Variants in DAB1 observed in about 807,000 individuals in gnomAD.
The protein encoded by DAB1 is disabled homolog 1.
In DAB1, 15 loss-of-function variants were observed where a neutral mutation model predicts 64.6. The ratio of observed to expected loss-of-function variants is 0.23; its 90% CI spans 0.16 to 0.36. The LOEUF (loss-of-function observed/expected upper bound fraction) is 0.36. Among genes scored for constraint, DAB1 ranks in the 10% least tolerant of loss-of-function variants. The pLI, the probability that DAB1 is intolerant of heterozygous loss-of-function variation, is 1.00. For missense variants in DAB1, 596 were observed against 706.7 expected (o/e 0.84, Z 1.78); for synonymous variants, 235 against 251.9 (o/e 0.93, Z 0.64).
intron 2 of DAB1, among the ~76,000 whole-genome samples, chr1:57,201,741 T>C (rs767199503): frequency 3.9e-5 from 6 of 152,136 alleles, no homozygotes; most frequent in Non-Finnish European, 7.4e-5. Flanking sequence ...TTAATAATCA[T>C]TAGCTGGATG....
At chr1:56,998,652 G>T (rs956327859) in intron 14 of DAB1, among the ~76,000 whole-genome samples, 6 of 152,134 alleles carry the variant, frequency 3.9e-5, no homozygotes, top group Non-Finnish European at 5.9e-5. Flanking sequence ...ATTTCAAATT[G>T]CTCTTCTACA....
At chr1:58,369,343 A>G (rs971592494) in intron 3 of DAB1, among the ~76,000 whole-genome samples, 1 of 152,252 alleles carries the variant, frequency 6.6e-6, no homozygotes, top group Admixed American at 6.5e-5. Flanking sequence ...CTTTAATGGT[A>G]CATGTTAATT....
chr1:57,376,376 C>T (rs896194000), intron 1 of DAB1, among the ~76,000 whole-genome samples: 1 of 152,216 alleles, frequency 6.6e-6, no homozygotes, highest in Admixed American at 6.5e-5. Flanking sequence ...TGCTGCCTAG[C>T]AGAAGAATTC....
chr1:57,163,397 G>C (rs1477606733), intron 2 of DAB1, among the ~76,000 whole-genome samples: 1 of 152,042 alleles, frequency 6.6e-6, no homozygotes, highest in African/African-American at 2.4e-5. Context: ...GAATGTGTTT[G>C]GCCTGTTTAT....
At chr1:57,221,396 T>C (rs1666859681) in intron 2 of DAB1, among the ~76,000 whole-genome samples, 1 of 146,420 alleles carries the variant, frequency 6.8e-6, no homozygotes, top group South Asian at 2.2e-4. Context: ...TAAAGTATAA[T>C]AATAATTTTA....
intron 2 of DAB1, among the ~76,000 whole-genome samples, chr1:57,161,558 C>T (rs1257763856): frequency 1.3e-5 from 2 of 152,186 alleles, no homozygotes; most frequent in African/African-American, 4.8e-5. Flanking sequence ...CAGGCACTGA[C>T]AAAGTCGTAT....
chr1:57,664,159 T>G (rs1646419654), intron 6 of DAB1, among the ~76,000 whole-genome samples: 1 of 152,180 alleles, frequency 6.6e-6, no homozygotes, highest in Non-Finnish European at 1.5e-5. Context: ...GTTTGGTACA[T>G]GTAAGCATTT....
chr1:57,563,075 C>T lies in DAB1; in HGVS notation n.625+86517G>A, dbSNP rs369216573. Among the ~76,000 whole-genome samples the T allele has an allele frequency of 1.3e-3, 196 of 152,232 alleles. 1 individual carries two copies. Among genetic ancestry groups the T allele is most frequent in the African/African-American group, 3.5e-3 (145 of 41,536 alleles). ...AGGACTACAAATGACCCAGAACCTTCAGGAATAAGGTTTGGGTCACACCAC... is the reference window on the plus strand; with the variant it reads ...AGGACTACAAATGACCCAGAACCTTTAGGAATAAGGTTTGGGTCACACCAC... On this transcript the variant is annotated intron_variant and non_coding_transcript_variant, in intron 7 of 20. Transcript: ENST00000485760.
At chr1:57,547,391 A>G (rs892139288) in intron 7 of DAB1, among the ~76,000 whole-genome samples, 1 of 152,224 alleles carries the variant, frequency 6.6e-6, no homozygotes, top group African/African-American at 2.4e-5. Context: ...TACTAAATTG[A>G]GATATTTAAT....
At chr1:57,749,625 T>C (rs1166646378) in intron 6 of DAB1, among the ~76,000 whole-genome samples, 1 of 152,148 alleles carries the variant, frequency 6.6e-6, no homozygotes, top group African/African-American at 2.4e-5. Context: ...TACATCTTAA[T>C]TTTAGTGGCC....
At chr1:58,024,160 A>G (rs1646853732) in intron 5 of DAB1, among the ~76,000 whole-genome samples, 1 of 152,222 alleles carries the variant, frequency 6.6e-6, no homozygotes, top group Non-Finnish European at 1.5e-5. Context: ...TCCTACATTT[A>G]GATATAGCAA....
At chr1:57,726,262 A>G (rs1024113561) in intron 6 of DAB1, among the ~76,000 whole-genome samples, 1 of 152,226 alleles carries the variant, frequency 6.6e-6, no homozygotes, top group South Asian at 2.1e-4. Context: ...GAAACAAGTC[A>G]TCACTTCATC....
At chr1:57,060,219 C>T (rs145334840) in intron 9 of DAB1, among the ~76,000 whole-genome samples, 3,502 of 151,192 alleles carry the variant, frequency 0.023, 148 homozygotes, top group African/African-American at 0.08. Flanking sequence ...AGCGCCATCT[C>T]GGCTCACTGC....
intron 2 of DAB1, among the ~76,000 whole-genome samples, chr1:57,159,570 T>C (rs1397528416): frequency 6.6e-6 from 1 of 152,108 alleles, no homozygotes; most frequent in African/African-American, 2.4e-5. Context: ...ATACAGTGGG[T>C]ACTTAATATT....
At chr1:57,672,464 C>A (rs1277217591) in intron 6 of DAB1, among the ~76,000 whole-genome samples, 2 of 152,074 alleles carry the variant, frequency 1.3e-5, no homozygotes, top group Non-Finnish European at 2.9e-5. Context: ...AATTTAAACC[C>A]AGACCTTCTG....
chr1:58,330,190 G>C lies in DAB1; in HGVS notation n.309+13162C>G, dbSNP rs560759799. Among the ~76,000 whole-genome samples, 11 of 152,298 alleles carry C rather than the reference G, an allele frequency of 7.2e-5. No individual in the cohort carries two copies. The South Asian group carries it at 1.7e-3, about 23-fold the overall frequency. On this transcript the variant is annotated intron_variant and non_coding_transcript_variant, in intron 4 of 20. Transcript: ENST00000485760. ...GTGAGACAGCTTCAATCCTGATATA[G>C]AGAAAGTTTTAGTGGTCTGGCTAAA...
At chr1:57,991,677 C>G (rs1008326526) in intron 5 of DAB1, among the ~76,000 whole-genome samples, 1 of 151,874 alleles carries the variant, frequency 6.6e-6, no homozygotes, top group Non-Finnish European at 1.5e-5. Flanking sequence ...GAAACCCCAT[C>G]TCCGCTAAAA....
Position 57,459,257 on chromosome 1 carries a change from C to A in DAB1, n.626-168091G>T, listed in dbSNP as rs191612447. ...ATATTTTTACTTGGAAAGGTATCAC[C>A]AATACTCAAAGCATTTGAAATATTA... On this transcript the variant is annotated intron_variant and non_coding_transcript_variant, in intron 7 of 20. Transcript: ENST00000485760. Among the ~76,000 whole-genome samples the A allele has an allele frequency of 2.1e-3, 320 of 152,106 alleles. 1 individual carries two copies. Among genetic ancestry groups the A allele is most frequent in the Non-Finnish European group, 3.3e-3 (221 of 67,976 alleles).
rs146293927 is a variant in DAB1 at position 57,478,049 on chromosome 1, C to T, written n.625+171543G>A. On this transcript the variant is annotated intron_variant and non_coding_transcript_variant, in intron 7 of 20. Coordinates refer to the DAB1 transcript ENST00000485760. Reference sequence around the variant, plus strand: ...GTATCTCTCCTAATGCTATCCCTCCCCCCGCCCCCGACCCCACAACAGGCC... The same window carrying T: ...GTATCTCTCCTAATGCTATCCCTCCTCCCGCCCCCGACCCCACAACAGGCC... Among the ~76,000 whole-genome samples, 152 of 144,730 alleles carry T rather than the reference C, an allele frequency of 1.1e-3. 1 individual carries two copies. Among genetic ancestry groups the T allele is most frequent in the Non-Finnish European group, 1.9e-3 (126 of 65,994 alleles). 94.9% of individuals were successfully genotyped at this position (144,730 alleles called of 152,430 possible). A position where few individuals can be genotyped will look rare whatever the true frequency, so the allele number is the denominator to read the frequency against.
Sources: gnomAD v4.1 joint callset for allele counts (sites outside exome capture counted in the v4.1 genomes callset) on GRCh38, gnomAD v4.1.1 for gene constraint, MANE v1.5 for transcripts, NCBI Gene and HGNC (gene_info 2026-07-23, HGNC 2026-07-21) for gene names.